Variants in PRPSAP1 observed in about 807,000 individuals in gnomAD.
PRPSAP1 encodes the protein phosphoribosyl pyrophosphate synthase-associated protein 1.
In PRPSAP1, 31 loss-of-function variants were observed where a neutral mutation model predicts 39.4. The ratio of observed to expected loss-of-function variants is 0.79; its 90% CI spans 0.59 to 1.06. The LOEUF (loss-of-function observed/expected upper bound fraction) is 1.06, where lower values mean the gene tolerates loss of function less well. Ranked by LOEUF, PRPSAP1 falls within the 50% of genes least tolerant of loss-of-function variation. PRPSAP1 has a pLI of 0.00. For missense variants in PRPSAP1, 430 were observed against 511.6 expected (o/e 0.84, Z 1.54); for synonymous variants, 212 against 192.6 (o/e 1.10, Z -0.83).
At chr17:76,321,510 G>GTC (rs2071198499) in intron 7 of PRPSAP1, among the ~76,000 whole-genome samples, 1 of 151,800 alleles carries the variant, frequency 6.6e-6, no homozygotes, top group Non-Finnish European at 1.5e-5. Flanking sequence ...GTGAAACTCT[G>GTC]TCACACACAC....
intron 7 of PRPSAP1, among the ~76,000 whole-genome samples, chr17:76,321,496 CA>C (rs2071198331): frequency 6.6e-6 from 1 of 151,764 alleles, no homozygotes; most frequent in Non-Finnish European, 1.5e-5. Context: ...AGCCGAGAGC[CA>C]GAGTGAAACT....
Position 76,311,349 on chromosome 17 carries a change from T to TTA in PRPSAP1, c.*191_*192dup. On this transcript the variant is annotated 3_prime_UTR_variant, in exon 10 of 10. Coordinates refer to ENST00000446526, the MANE Select transcript of PRPSAP1 (RefSeq NM_002766.3). ...ATGACAGCAGACATGTAAGGCCATG[T>TTA]TATGATATTTATCCATTAGCTCTGT... 1 of 551,488 alleles carries TTA rather than the reference T, an allele frequency of 1.8e-6. No homozygotes were observed. Among genetic ancestry groups the TTA allele is most frequent in the East Asian group, 3.2e-5 (1 of 31,246 alleles). The allele number at this position is 551,488 out of a possible 1,614,324, so 34.2% of individuals were successfully genotyped here. A position where few individuals can be genotyped will look rare whatever the true frequency, so the allele number is the denominator to read the frequency against.
At chr17:76,335,457 G>C (rs900676346) in intron 3 of PRPSAP1, among the ~76,000 whole-genome samples, 1 of 152,120 alleles carries the variant, frequency 6.6e-6, no homozygotes, top group Non-Finnish European at 1.5e-5. Context: ...CTGGGTTCAA[G>C]CAATTCTCCT....
At chr17:76,351,654 T>C (rs2071574477) in intron 1 of PRPSAP1, among the ~76,000 whole-genome samples, 1 of 152,186 alleles carries the variant, frequency 6.6e-6, no homozygotes, top group Admixed American at 6.6e-5. Context: ...ACCACTGCAC[T>C]CCAGCCTGGG....
intron 6 of PRPSAP1, among the ~76,000 whole-genome samples, chr17:76,329,300 A>G (rs893129806): frequency 5.9e-5 from 9 of 152,102 alleles, no homozygotes; most frequent in Non-Finnish European, 1.3e-4. Context: ...CCTGGGCTCA[A>G]GCGATCTCCC....
intron 2 of PRPSAP1, among the ~76,000 whole-genome samples, chr17:76,346,439 T>A (rs1293577967): frequency 6.6e-6 from 1 of 152,160 alleles, no homozygotes; most frequent in Non-Finnish European, 1.5e-5. Flanking sequence ...TGTCCTCTTC[T>A]CCCTTTCCAC....
At chr17:76,343,982 ACT>A (rs1297625650) in intron 3 of PRPSAP1, among the ~76,000 whole-genome samples, 1 of 151,654 alleles carries the variant, frequency 6.6e-6, no homozygotes, top group Admixed American at 6.6e-5. Context: ...AGACAGTCTC[ACT>A]CTGTCGCCCA....
rs960101692 is a variant in PRPSAP1 at position 76,309,625 on chromosome 17, G to A, written c.*1917C>T. 6.6e-6 allele frequency: 1 copy of A among 152,178 alleles called. No homozygotes were observed. Among genetic ancestry groups the A allele is most frequent in the African/African-American group, 2.4e-5 (1 of 41,432 alleles). 9.4% of individuals were successfully genotyped at this position (152,178 alleles called of 1,614,324 possible). A position where few individuals can be genotyped will look rare whatever the true frequency, so the allele number is the denominator to read the frequency against. ...TGCATCTGCAGATTTAACCAACCAC[G>A]ACTGAACACGTACAGATTCCTGTCA... On this transcript the variant is annotated 3_prime_UTR_variant, in exon 10 of 10. Coordinates refer to ENST00000446526, the MANE Select transcript of PRPSAP1 (RefSeq NM_002766.3).
chr17:76,333,683 C>T (rs2071349943), intron 3 of PRPSAP1, among the ~76,000 whole-genome samples: 1 of 151,576 alleles, frequency 6.6e-6, no homozygotes, highest in Non-Finnish European at 1.5e-5. Context: ...AAAAAAACCT[C>T]CCTGGACCTT....
At chr17:76,353,995 A>G, upstream of PRPSAP1, 1 of 1,248,462 alleles carries the variant, frequency 8.0e-7, no homozygotes, top group Non-Finnish European at 1.0e-6. Context: ...GAGGGCAGGG[A>G]GCCTGGCGAC....
At chr17:76,321,747 T>C (rs758860686) in intron 7 of PRPSAP1, among the ~76,000 whole-genome samples, 5 of 152,108 alleles carry the variant, frequency 3.3e-5, no homozygotes, top group Non-Finnish European at 5.9e-5. Flanking sequence ...AAGCTTAGTG[T>C]GTCAAAAGCC....
intron 6 of PRPSAP1, 49 bp from the exon 7 acceptor site, chr17:76,328,911 C>T (rs2071285382): frequency 2.6e-6 from 4 of 1,554,034 alleles, no homozygotes; most frequent in Non-Finnish European, 3.5e-6. Flanking sequence ...AAATCCCACG[C>T]ATCACTACGG....
Position 76,309,550 on chromosome 17 carries a change from A to T in PRPSAP1, c.*1992T>A, listed in dbSNP as rs776238606. 3.9e-5 allele frequency: 6 copies of T among 152,240 alleles called. No individual in the cohort carries two copies. Among genetic ancestry groups the T allele is most frequent in the Non-Finnish European group, 7.3e-5 (5 of 68,056 alleles). 9.4% of individuals were successfully genotyped at this position (152,240 alleles called of 1,614,324 possible). ...ACAGAAGCACAGCAAGGCTACTTAA[A>T]GAGAACCTATGAATGTGTGCCATGC... is the stretch of plus-strand genomic sequence containing the variant. On this transcript the variant is annotated 3_prime_UTR_variant, in exon 10 of 10. Transcript: ENST00000446526.
rs1211427847 is a variant in PRPSAP1, at chr17:76,332,312, C to G, written c.414G>C (p.Lys138Asn). 1.2e-6 allele frequency: 2 copies of G among 1,614,050 alleles called. No individual in the cohort carries two copies. The highest frequency in any genetic ancestry group is 3.3e-5 in the Admixed American group (2 of 60,002). The change falls in exon 4 of 10, where the codon AAG (lysine) becomes AAC (asparagine). Residue 138 changes from lysine to asparagine, a missense_variant. By Grantham distance (94) the Lys-to-Asn change is moderately conservative (BLOSUM62 0). Coordinates refer to ENST00000446526, the MANE Select transcript of PRPSAP1 (RefSeq NM_002766.3). ...GCAGCTTGCACACAATGGAACCCCT[C>G]TTCCTCATCTTGCTCTGCTTGCTGT... is the stretch of plus-strand genomic sequence containing the variant. Reference protein sequence around the residue: ...FPYSKQSKMRKRGSIVCKLLA... With the variant: ...FPYSKQSKMRNRGSIVCKLLA...
Position 76,327,834 on chromosome 17 carries a change from G to A in PRPSAP1, c.781+883C>T, listed in dbSNP as rs544368819. Among the ~76,000 whole-genome samples the A allele has an allele frequency of 1.1e-3, 163 of 152,130 alleles. 1 individual carries two copies. The highest frequency in any genetic ancestry group is 7.1e-4 in the Non-Finnish European group (48 of 68,006). ...TGAATGCTGAGTGCTACGCAGAACC[G>A]TCCATACACAGTCTACAAATGTGTA... is the stretch of plus-strand genomic sequence containing the variant. On this transcript the variant is annotated intron_variant, in intron 7 of 9. Coordinates refer to ENST00000446526, the MANE Select transcript of PRPSAP1 (RefSeq NM_002766.3).
intron 1 of PRPSAP1, 120 bp downstream of exon 1, chr17:76,353,414 G>T: frequency 9.8e-7 from 1 of 1,019,360 alleles, no homozygotes; most frequent in Non-Finnish European, 1.3e-6. Flanking sequence ...GGCTGGGAAG[G>T]CCCGCGCCTC....
intron 2 of PRPSAP1, among the ~76,000 whole-genome samples, chr17:76,347,484 CAAAAAAAAAAAAAAAA>C (rs71161289): frequency 5.2e-4 from 13 of 25,220 alleles, no homozygotes; most frequent in East Asian, 2.0e-3. Flanking sequence ...AAGACTCCGT[CAAAAAAAAAAAAAAAA>C]AAAAAAAAAA....
chr17:76,352,929 G>C, intron 1 of PRPSAP1: 1 of 152,214 alleles, frequency 6.6e-6, no homozygotes, highest in South Asian at 2.1e-4. Context: ...GGCTTGGTTG[G>C]GTTAAAGACA....
intron 7 of PRPSAP1, among the ~76,000 whole-genome samples, chr17:76,321,701 A>G (rs2071200514): frequency 6.6e-6 from 1 of 152,180 alleles, no homozygotes; most frequent in Admixed American, 6.5e-5. Context: ...GAAGAGCCCC[A>G]TGTCTCTTAC....
Sources: allele counts gnomAD v4.1 joint callset (sites outside exome capture counted in the v4.1 genomes callset), GRCh38; gene constraint gnomAD v4.1.1; transcripts MANE v1.5; gene names NCBI Gene and HGNC (gene_info 2026-07-23, HGNC 2026-07-21).